The following ACY1 variants were observed in gnomAD, a reference collection of about 807,000 sequenced individuals.
The protein encoded by ACY1 is aminoacylase-1.
A neutral mutation model predicts 53.3 loss-of-function variants in ACY1; 38 were observed. The observed-to-expected ratio is 0.71, with a 90% confidence interval of 0.55 to 0.93. The LOEUF is 0.93. ACY1 is among the 40% of genes least tolerant of loss of function. The pLI is 0.00. For missense variants in ACY1, 484 were observed against 540.9 expected (o/e 0.89, Z 1.04); for synonymous variants, 177 against 202.1 (o/e 0.88, Z 1.05).
In ACY1 at chr3:51,984,094, C is replaced by T. The variant is rs371844074; in HGVS notation, c.30C>T (p.His10=). Residue 10 remains histidine, a synonymous_variant, in exon 2 of 15, where the codon CAC becomes CAT. Coordinates refer to ENST00000636358, the MANE Select transcript of ACY1 (RefSeq NM_000666.3). MTSKGPEEE[H]PSVTLFRQYL... ...CCAGCAAGGGTCCCGAGGAGGAGCACCCATCGGTGACGCTCTTCCGCCAGT... is the reference window on the plus strand; with the variant it reads ...CCAGCAAGGGTCCCGAGGAGGAGCATCCATCGGTGACGCTCTTCCGCCAGT... The T allele has an allele frequency of 6.2e-6, 10 of 1,613,576 alleles. No homozygotes were observed. Among genetic ancestry groups the T allele is most frequent in the Non-Finnish European group, 7.6e-6 (9 of 1,180,002 alleles).
At chr3:51,984,190 G>A (rs202227748) in intron 2 of ACY1, 32 bp downstream of exon 2, 18 of 1,595,872 alleles carry the variant, frequency 1.1e-5, no homozygotes, top group Middle Eastern at 3.3e-4. Flanking sequence ...AGCCTGTGAC[G>A]GGGCCTAAGG....
chr3:51,984,242 C>CCAGCAGAGTGGGGCT, intron 2 of ACY1, 84 bp downstream of exon 2: 1 of 1,279,462 alleles, frequency 7.8e-7, no homozygotes, highest in Non-Finnish European at 1.1e-6. Context: ...CCCCTGTCAC[C>CCAGCAGAGTGGGGCT]CAGCTGAGCC....
In ACY1 at chr3:51,986,660, G is replaced by GT; in HGVS notation, c.583dup (p.Trp195LeufsTer61). ...TCTTTTATAGTGAGCGGAGTCCCTG[G>GT]TGTAAGTATGAGCTTGGAGGGAGGG... On this transcript the variant is annotated frameshift_variant and splice_region_variant, in exon 8 of 15. Coordinates refer to ENST00000636358, the MANE Select transcript of ACY1 (RefSeq NM_000666.3). LOFTEE classifies it high-confidence loss of function. The GT allele has an allele frequency of 6.2e-7, 1 of 1,613,948 alleles. No homozygotes were observed.
chr3:51,986,838 CA>C, intron 8 of ACY1, 149 bp from the exon 9 acceptor site: 2 of 1,231,114 alleles, frequency 1.6e-6, no homozygotes, highest in Non-Finnish European at 2.3e-6. Context: ...CCTGAATGGG[CA>C]GAAACCAGCT....
At chr3:51,984,486 G>A in intron 2 of ACY1, 3 of 442,668 alleles carry the variant, frequency 6.8e-6, no homozygotes, top group Non-Finnish European at 1.3e-5. Flanking sequence ...AAGCCCACTG[G>A]GGCTGGACAA....
chr3:51,987,666 G>C (rs750916171), intron 12 of ACY1, 42 bp downstream of exon 12: 16 of 1,602,784 alleles, frequency 1.0e-5, no homozygotes, highest in Non-Finnish European at 1.2e-5. Context: ...TGGGAGCCGG[G>C]GGAGACCCAA....
Position 51,987,508 on chromosome 3 carries a change from A to G in ACY1, c.853-48A>G, listed in dbSNP as rs114406523. The G allele has an allele frequency of 3.4e-3, 5,462 of 1,613,960 alleles. 138 individuals carry two copies. The African/African-American group carries it at 0.053, about 16-fold the overall frequency. The stretch of plus-strand genomic sequence containing the variant: ...GATCCTGGGTCCTCAGTCTTGTCCT[A>G]GAGGCCTCTGGAAAGCCTGAAGGAT... On this transcript the variant is annotated intron_variant, in intron 11 of 14. Transcript: ENST00000636358.
Position 51,987,234 on chromosome 3 carries a change from G to A in ACY1, c.707+38G>A, listed in dbSNP as rs776275547. 3.1e-6 allele frequency: 5 copies of A among 1,614,076 alleles called. No homozygotes were observed. The Admixed American group carries it at 8.3e-5, about 27-fold the overall frequency. ...GGGAGGCAGTGGGGTGGCTCTGGGA[G>A]GCGGTACCACAGAGGATAGAGTCTG... On this transcript the variant is annotated intron_variant, in intron 10 of 14. Coordinates refer to ENST00000636358, the MANE Select transcript of ACY1 (RefSeq NM_000666.3).
intron 1 of ACY1, 128 bp from the exon 2 acceptor site, chr3:51,983,919 G>T (rs1305122545): frequency 9.8e-6 from 7 of 717,946 alleles, no homozygotes; most frequent in African/African-American, 1.7e-5. Context: ...GCTCCTTAAT[G>T]GGGGCTCCGA....
chr3:51,986,369 T>A (rs772865045), intron 6 of ACY1, 38 bp downstream of exon 6: 16 of 270,130 alleles, frequency 5.9e-5, no homozygotes, highest in South Asian at 3.9e-4. Context: ...AAGGGGAGGG[T>A]GGGGCGGGGC....
At chr3:51,988,360 G>T in intron 12 of ACY1, 164 bp from the exon 13 acceptor site, 1 of 706,762 alleles carries the variant, frequency 1.4e-6, no homozygotes. Flanking sequence ...GGACATTTGA[G>T]GGGCTGAAAG....
intron 10 of ACY1, 32 bp from the exon 11 acceptor site, chr3:51,987,277 G>C (rs1701102773): frequency 3.1e-6 from 5 of 1,613,958 alleles, no homozygotes; most frequent in Non-Finnish European, 4.2e-6. Flanking sequence ...TCTTTTATCT[G>C]TTGCTGCCGC....
chr3:51,984,861 C>T (rs191052760), intron 2 of ACY1: 288 of 274,986 alleles, frequency 1.0e-3, no homozygotes, highest in African/African-American at 6.3e-3. Context: ...AACTTAGTGG[C>T]TGGGAATTGT....
intron 1 of ACY1, 28 bp from the exon 2 acceptor site, chr3:51,984,019 G>A: frequency 6.6e-7 from 1 of 1,525,194 alleles, no homozygotes; most frequent in Non-Finnish European, 9.1e-7. Context: ...GTCTTGGAGG[G>A]GTAGTTAGCC....
chr3:51,987,898 A>C (rs796829783), intron 12 of ACY1: 75 of 411,808 alleles, frequency 1.8e-4, no homozygotes, highest in South Asian at 4.0e-4. Context: ...TTCTGAGAGA[A>C]TCTCACTCCG....
chr3:51,988,488 C>G (rs778293174), intron 12 of ACY1, 36 bp from the exon 13 acceptor site: 1 of 1,589,588 alleles, frequency 6.3e-7, no homozygotes, highest in Admixed American at 1.7e-5. Flanking sequence ...ATGCCCAGGC[C>G]CATGTCCTGA....
rs773509155 is a variant in ACY1, at chr3:51,988,774, C to T, written c.1010C>T (p.Thr337Ile). 4.3e-6 allele frequency: 7 copies of T among 1,614,186 alleles called. No homozygotes were observed. The highest frequency in any genetic ancestry group is 5.9e-6 in the Non-Finnish European group (7 of 1,180,012). ...GGCTCTTTCTCCTACAGGAACCTCA[C>T]TCTGGAGCCTGAGATCATGCCTGCT... ...FSRVCKDMNL[T>I]LEPEIMPAAT... Residue 337 changes from threonine (T) to isoleucine (I), a missense_variant, in exon 14 of 15, where the codon ACT becomes ATT. Transcript: ENST00000636358.
At position 51,983,561 on chromosome 3, in the gene ACY1, G is replaced by A; in HGVS notation, c.-47G>A. 1.0e-5 allele frequency: 2 copies of A among 200,932 alleles called. No homozygotes were observed. Among genetic ancestry groups the A allele is most frequent in the South Asian group, 7.5e-5 (1 of 13,342 alleles). 12.4% of individuals were successfully genotyped at this position (200,932 alleles called of 1,614,324 possible). A position where few individuals can be genotyped will look rare whatever the true frequency, so the allele number is the denominator to read the frequency against. On this transcript the variant is annotated 5_prime_UTR_variant, in exon 1 of 15. Coordinates refer to ENST00000636358, the MANE Select transcript of ACY1 (RefSeq NM_000666.3). The stretch of plus-strand genomic sequence containing the variant: ...CAGTCAGGGAAGGGCGCTGAGAGGC[G>A]AGCGTGAGCCCAGCGACAGGAGAGT...
Position 51,985,218 on chromosome 3 carries a change from GCTTT to G in ACY1, c.111_114del (p.Phe37LeufsTer15), listed in dbSNP as rs1559778979. On this transcript the variant is annotated frameshift_variant, in exon 3 of 15. Coordinates refer to ENST00000636358, the MANE Select transcript of ACY1 (RefSeq NM_000666.3). LOFTEE classifies it high-confidence loss of function. Reference sequence around the variant, plus strand: ...CTCTGTGCCTCCAGGAGCTGCTGTGGCTTTCTTTGAGGAGACAGCCCGCCAGCTG... The same window carrying G: ...CTCTGTGCCTCCAGGAGCTGCTGTGGCTTTGAGGAGACAGCCCGCCAGCTG... 1 of 1,604,356 alleles carries G rather than the reference GCTTT, an allele frequency of 6.2e-7. No individual in the cohort carries two copies. Among genetic ancestry groups the G allele is most frequent in the Non-Finnish European group, 8.5e-7 (1 of 1,175,948 alleles).
Sources: gnomAD v4.1 joint callset for allele counts on GRCh38, gnomAD v4.1.1 for gene constraint, MANE v1.5 for transcripts, NCBI Gene and HGNC (gene_info 2026-07-23, HGNC 2026-07-21) for gene names.